AK8: variants seen among roughly 807,000 people sequenced by gnomAD.
The protein encoded by AK8 is ATP-AMP transphosphorylase 8.
AK8 carries 44 observed loss-of-function variants against 54.6 expected under a neutral mutation model. The ratio of observed to expected loss-of-function variants is 0.81; its 90% CI spans 0.63 to 1.04. The LOEUF is 1.04. AK8 is among the 50% of genes least tolerant of loss of function. AK8 has a pLI of 0.00. For missense variants in AK8, 555 were observed against 613.6 expected, an observed-to-expected ratio of 0.90 and a Z score of 1.01; for synonymous variants, 239 against 245.6, an observed-to-expected ratio of 0.97 and a Z score of 0.25.
intron 10 of AK8, among the ~76,000 whole-genome samples, chr9:132,805,172 C>T (rs554645608): frequency 6.6e-6 from 1 of 152,330 alleles, no homozygotes; most frequent in African/African-American, 2.4e-5. Context: ...TTCTCTGAAG[C>T]CGCTGGGGCT....
intron 11 of AK8, among the ~76,000 whole-genome samples, chr9:132,730,360 T>C (rs1404144841): frequency 1.3e-5 from 2 of 151,424 alleles, no homozygotes; most frequent in Non-Finnish European, 2.9e-5. Flanking sequence ...AGGAAATGCG[T>C]GTGAAGGAAT....
At chr9:132,868,169 G>A (rs1843677372) in intron 2 of AK8, among the ~76,000 whole-genome samples, 1 of 152,238 alleles carries the variant, frequency 6.6e-6, no homozygotes, top group African/African-American at 2.4e-5. Flanking sequence ...GGGCTTTCAG[G>A]AGGGAATCTC....
chr9:132,878,638 C>T (rs1844271910), upstream of AK8: 1 of 1,036,142 alleles, frequency 9.7e-7, no homozygotes. This position sits in a 1 kb window ranked among gnomAD's most constrained non-coding sequence, Gnocchi z 4.7. Context: ...CTCCCTGTGC[C>T]TCAGTTTACC....
chr9:132,742,650 T>C (rs1564376643), intron 11 of AK8, among the ~76,000 whole-genome samples: 1 of 152,232 alleles, frequency 6.6e-6, no homozygotes, highest in Non-Finnish European at 1.5e-5. Context: ...TACTTTGGGC[T>C]CTTTTCCTGG....
chr9:132,839,377 G>GT (rs1296351168), intron 5 of AK8, among the ~76,000 whole-genome samples: 1 of 152,216 alleles, frequency 6.6e-6, no homozygotes, highest in Non-Finnish European at 1.5e-5. Context: ...ATGGGGCAAA[G>GT]TAACACTCTT....
chr9:132,826,225 A>G lies in AK8; in HGVS notation c.757+629T>C, dbSNP rs971062630. Among the ~76,000 whole-genome samples, 9 of 152,076 alleles carry G rather than the reference A, an allele frequency of 5.9e-5. No individual in the cohort carries two copies. The highest frequency in any genetic ancestry group is 2.2e-4 in the African/African-American group (9 of 41,394). On this transcript the variant is annotated intron_variant, in intron 8 of 12. Transcript: ENST00000298545. The surrounding 1 kb of genome is among the most constrained non-coding windows in gnomAD (Gnocchi z 4.5). ...AAAACTAGGGCTCCGAGGAGTTAGG[A>G]GAAGTGCCAGAGGCTGCACAGCTGG...
rs774545254 is a variant in AK8, at chr9:132,878,135, G to A, written c.84+37C>T. ...ACGTCGCAGTGGAGGCTCCCGAGCC[G>A]CCGCCAGCGTCGCGACGGGCAGGGG... On this transcript the variant is annotated intron_variant, in intron 1 of 12. Coordinates refer to ENST00000298545, the MANE Select transcript of AK8 (RefSeq NM_152572.3). This position sits in a 1 kb window ranked among gnomAD's most constrained non-coding sequence, Gnocchi z 4.7. 3.9e-6 allele frequency: 6 copies of A among 1,534,916 alleles called. No homozygotes were observed. The African/African-American group carries it at 5.6e-5, about 14-fold the overall frequency.
intron 10 of AK8, among the ~76,000 whole-genome samples, chr9:132,793,136 C>T (rs1840019280): frequency 6.6e-6 from 1 of 152,150 alleles, no homozygotes; most frequent in Non-Finnish European, 1.5e-5. Flanking sequence ...AGTCTAAGAT[C>T]AAGTCAGATT....
At chr9:132,800,653 GACAATGGCGCCAGGAAATA>G (rs1840401945) in intron 10 of AK8, among the ~76,000 whole-genome samples, 1 of 152,192 alleles carries the variant, frequency 6.6e-6, no homozygotes, top group East Asian at 1.9e-4. Flanking sequence ...TTGCCTGGCA[GACAATGGCGCCAGGAAATA>G]ACAATGTGTT....
chr9:132,802,570 G>A (rs1840512871), intron 10 of AK8, among the ~76,000 whole-genome samples: 1 of 152,128 alleles, frequency 6.6e-6, no homozygotes, highest in South Asian at 2.1e-4. Flanking sequence ...AGGCTGTGAG[G>A]AGGGAAGATG....
rs926771036 is a variant in AK8 at position 132,803,820 on chromosome 9, T to C, written c.979+10818A>G. On this transcript the variant is annotated intron_variant, in intron 10 of 12. Transcript: ENST00000298545. This position sits in a 1 kb window ranked among gnomAD's most constrained non-coding sequence, Gnocchi z 4.4. The stretch of plus-strand genomic sequence containing the variant: ...TGTCTCCTCTTTGTTCCTTCAAGAC[T>C]AATTCTCTGGGCCGGGCATGGTGGT... Among the ~76,000 whole-genome samples, 3 of 152,122 alleles carry C rather than the reference T, an allele frequency of 2.0e-5. No homozygotes were observed. Among genetic ancestry groups the C allele is most frequent in the African/African-American group, 7.2e-5 (3 of 41,420 alleles).
chr9:132,771,448 A>T (rs761030763), intron 11 of AK8, among the ~76,000 whole-genome samples: 4 of 152,112 alleles, frequency 2.6e-5, no homozygotes, highest in Admixed American at 6.5e-5. Flanking sequence ...CCTTCCCTGG[A>T]TCGTACAATC....
In AK8 at chr9:132,751,987, CAG is replaced by C. The variant is rs1391054172; in HGVS notation, c.1122-24455_1122-24454del. ...CTGAGTAGCTGGGACTATAGGCATG[CAG>C]CACCACACCTGACTAATTTTTTTTG... is the stretch of plus-strand genomic sequence containing the variant. On this transcript the variant is annotated intron_variant, in intron 11 of 12. Transcript: ENST00000298545. Among the ~76,000 whole-genome samples the C allele has an allele frequency of 7.5e-3, 1,125 of 149,912 alleles. 11 individuals are homozygous for C. Among genetic ancestry groups the C allele is most frequent in the Non-Finnish European group, 0.012 (808 of 66,570 alleles).
chr9:132,787,465 G>A (rs947675675), intron 11 of AK8, among the ~76,000 whole-genome samples: 7 of 152,182 alleles, frequency 4.6e-5, no homozygotes, highest in South Asian at 2.1e-4. Flanking sequence ...AAAATTCCAC[G>A]GGAAAATCAT....
intron 11 of AK8, among the ~76,000 whole-genome samples, chr9:132,755,081 G>A (rs1282918655): frequency 2.0e-5 from 3 of 152,196 alleles, no homozygotes; most frequent in Non-Finnish European, 4.4e-5. Context: ...TTACAGGCAT[G>A]AGCCACCGTG....
intron 2 of AK8, 59 bp downstream of exon 2, chr9:132,875,056 G>A (rs993898117): frequency 3.1e-6 from 5 of 1,603,244 alleles, no homozygotes; most frequent in Middle Eastern, 1.7e-4. Context: ...AGGGAAGAAG[G>A]GGAAGGAGGA....
intron 2 of AK8, among the ~76,000 whole-genome samples, chr9:132,873,740 G>A (rs1843961530): frequency 1.3e-5 from 2 of 152,110 alleles, no homozygotes; most frequent in South Asian, 4.1e-4. Context: ...GGTGGGGGCA[G>A]GGGGGAATGC....
intron 11 of AK8, among the ~76,000 whole-genome samples, chr9:132,753,481 C>T (rs141957170): frequency 2.6e-5 from 4 of 152,356 alleles, no homozygotes; most frequent in African/African-American, 7.2e-5. Flanking sequence ...TTTACTGAGA[C>T]GATGGCTTTA....
At chr9:132,824,556 T>G (rs2131296707) in intron 8 of AK8, among the ~76,000 whole-genome samples, 1 of 152,298 alleles carries the variant, frequency 6.6e-6, no homozygotes, top group Non-Finnish European at 1.5e-5. Flanking sequence ...TGTAGGATGT[T>G]GAGAAGCATC....
Sources: gnomAD v4.1 joint callset for allele counts (sites outside exome capture counted in the v4.1 genomes callset) on GRCh38, gnomAD v4.1.1 for gene constraint, Gnocchi (gnomAD v3.1) non-coding constraint, MANE v1.5 for transcripts, NCBI Gene and HGNC (gene_info 2026-07-23, HGNC 2026-07-21) for gene names.